The following SNX11 variants were observed in gnomAD, a reference collection of about 807,000 sequenced individuals.
The protein encoded by SNX11 is sorting nexin-11.
Under a neutral mutation model 30.7 loss-of-function variants are expected in SNX11, and 19 were observed. The ratio of observed to expected loss-of-function variants is 0.62; its 90% CI spans 0.43 to 0.91. The LOEUF is 0.91. SNX11 is among the 40% of genes least tolerant of loss of function. SNX11 has a pLI of 0.00. For missense variants in SNX11, 302 were observed against 326.7 expected, an observed-to-expected ratio of 0.92 and a Z score of 0.58; for synonymous variants, 112 against 119.0, an observed-to-expected ratio of 0.94 and a Z score of 0.38.
In SNX11 at chr17:48,118,814, C is replaced by T. The variant is rs769622173; in HGVS notation, c.326+15C>T. On this transcript the variant is annotated intron_variant, in intron 5 of 6. Transcript: ENST00000359238. ...TTCCTTGAAAAGTGAGTGGACAGAACGGCTGGTGCTGGCCACCAAGGGTGG... is the reference window on the plus strand; with the variant it reads ...TTCCTTGAAAAGTGAGTGGACAGAATGGCTGGTGCTGGCCACCAAGGGTGG... The T allele has an allele frequency of 2.9e-5, 46 of 1,608,664 alleles. No homozygotes were observed. The Middle Eastern group carries it at 5.0e-4, about 18-fold the overall frequency.
At chr17:48,111,976 A>T (rs574521307) in intron 1 of SNX11, 55 bp from the exon 2 acceptor site, 1 of 1,416,352 alleles carries the variant, frequency 7.1e-7, no homozygotes, top group Non-Finnish European at 1.0e-6. Context: ...CTGGTAAAGA[A>T]TGATAAGAAC....
At chr17:48,118,638 C>T in intron 4 of SNX11, 66 bp from the exon 5 acceptor site, 2 of 1,126,342 alleles carry the variant, frequency 1.8e-6, no homozygotes, top group Non-Finnish European at 1.3e-6. Flanking sequence ...TTTCCTTGAT[C>T]AGAGGCCGGA....
rs1035402199 is a variant in SNX11, at chr17:48,120,185, T to G, written c.539+999T>G. Among the ~76,000 whole-genome samples, 5 of 150,562 alleles carry G rather than the reference T, an allele frequency of 3.3e-5. No homozygotes were observed. The South Asian group carries it at 1.0e-3, about 31-fold the overall frequency. ...TATATACCACATTTTGTTTATCCAT[T>G]CACTTGCATTTATCTGTTTTTTTTT... On this transcript the variant is annotated intron_variant, in intron 6 of 6. Coordinates refer to ENST00000359238, the MANE Select transcript of SNX11 (RefSeq NM_013323.3).
intron 1 of SNX11, among the ~76,000 whole-genome samples, chr17:48,108,734 G>A (rs1278646602): frequency 6.6e-6 from 1 of 152,232 alleles, no homozygotes; most frequent in Non-Finnish European, 1.5e-5. Context: ...TATGGTCACT[G>A]ACTCTAGCCT....
rs2063572931 is a variant in SNX11 at position 48,118,990 on chromosome 17, G to A, written c.343G>A (p.Val115Ile). The change falls in exon 6 of 7, where the codon GTT (valine) becomes ATT (isoleucine). Residue 115 changes from valine to isoleucine, a missense_variant. Coordinates refer to ENST00000359238, the MANE Select transcript of SNX11 (RefSeq NM_013323.3). ...TTTTCCCAGGGTCCTGCAGAGTGTG[G>A]TTCTCCTGTCAGACAGCCAGTTGCA... ...HFLEKVLQSV[V>I]LLSDSQLHLF... The A allele has an allele frequency of 6.2e-7, 1 of 1,614,030 alleles. No individual in the cohort carries two copies. Among genetic ancestry groups the A allele is most frequent in the Non-Finnish European group, 8.5e-7 (1 of 1,180,002 alleles).
intron 4 of SNX11, among the ~76,000 whole-genome samples, chr17:48,116,356 A>G (rs1272503191): frequency 2.6e-5 from 4 of 152,114 alleles, no homozygotes; most frequent in Admixed American, 1.3e-4. Context: ...AGCTGGGACT[A>G]CAGGTATGTG....
rs77769564 is a variant in SNX11 at position 48,115,856 on chromosome 17, T to G, written c.230+2455T>G. 2.0e-5 allele frequency among the ~76,000 whole-genome samples: 3 copies of G among 151,468 alleles called. No homozygotes were observed. In the East Asian group the frequency reaches 5.8e-4, roughly 29 times the overall value. ...GCTGTTGTCCTGGGGCAGGCCCTAA[T>G]AAACCAGGTGAAACTCCGTTCCCCT... On this transcript the variant is annotated intron_variant, in intron 4 of 6. Coordinates refer to ENST00000359238, the MANE Select transcript of SNX11 (RefSeq NM_013323.3).
In SNX11 at chr17:48,122,348, C is replaced by A. The variant is rs2063610227; in HGVS notation, c.*840C>A. 6.5e-6 allele frequency: 1 copy of A among 153,610 alleles called. No homozygotes were observed. Among genetic ancestry groups the A allele is most frequent in the South Asian group, 2.1e-4 (1 of 4,834 alleles). 9.5% of individuals were successfully genotyped at this position (153,610 alleles called of 1,614,324 possible). A position where few individuals can be genotyped will look rare whatever the true frequency, so the allele number is the denominator to read the frequency against. On this transcript the variant is annotated 3_prime_UTR_variant, in exon 7 of 7. Coordinates refer to ENST00000359238, the MANE Select transcript of SNX11 (RefSeq NM_013323.3). ...CTTCTCCTTTGGTAGCAGCTCCCTG[C>A]CTCCAGGGCTTCCGCCACCAGCGTC...
chr17:48,108,929 A>G (rs940381338), intron 1 of SNX11, among the ~76,000 whole-genome samples: 8 of 152,040 alleles, frequency 5.3e-5, no homozygotes, highest in African/African-American at 1.9e-4. Flanking sequence ...TATTTGTTCC[A>G]GTGTTTATTT....
intron 4 of SNX11, among the ~76,000 whole-genome samples, chr17:48,118,275 C>T (rs2063564914): frequency 6.6e-6 from 1 of 151,972 alleles, no homozygotes; most frequent in African/African-American, 2.4e-5. Context: ...ATGTTAGCAC[C>T]ACCCCTTATT....
intron 4 of SNX11, among the ~76,000 whole-genome samples, chr17:48,117,520 G>A (rs1204052560): frequency 6.6e-6 from 1 of 150,402 alleles, no homozygotes; most frequent in Non-Finnish European, 1.5e-5. Context: ...GCCTCCCAAA[G>A]TGCTGGGATT....
chr17:48,111,368 C>G (rs970339957), intron 1 of SNX11, among the ~76,000 whole-genome samples: 9 of 152,232 alleles, frequency 5.9e-5, no homozygotes, highest in African/African-American at 1.9e-4. Flanking sequence ...TGTGATCTGG[C>G]AGGGCGTGGT....
intron 6 of SNX11, among the ~76,000 whole-genome samples, chr17:48,119,599 G>C (rs771816505): frequency 2.0e-5 from 3 of 151,984 alleles, no homozygotes; most frequent in Non-Finnish European, 2.9e-5. Context: ...TTACAGGCAA[G>C]TGCCACCACA....
intron 4 of SNX11, among the ~76,000 whole-genome samples, chr17:48,114,886 C>T (rs1430930544): frequency 6.7e-6 from 1 of 150,338 alleles, no homozygotes; most frequent in African/African-American, 2.4e-5. Context: ...AGGCTGGTGT[C>T]GAACTCCTGA....
chr17:48,117,237 T>TTTTA (rs1303765800), intron 4 of SNX11, among the ~76,000 whole-genome samples: 1 of 122,802 alleles, frequency 8.1e-6, no homozygotes, highest in Non-Finnish European at 1.6e-5. Flanking sequence ...GTATTTTTAT[T>TTTTA]TTTATTTATT....
intron 2 of SNX11, 167 bp from the exon 3 acceptor site, chr17:48,112,407 T>C (rs746145318): frequency 9.2e-5 from 62 of 671,572 alleles, no homozygotes; most frequent in Non-Finnish European, 1.5e-4. Context: ...TCAGTAAAAA[T>C]TTGTTGAATT....
In SNX11 at chr17:48,123,314, C is replaced by CA. The variant is rs2063616508; in HGVS notation, c.*1808dup. On this transcript the variant is annotated 3_prime_UTR_variant, in exon 7 of 7. Coordinates refer to ENST00000359238, the MANE Select transcript of SNX11 (RefSeq NM_013323.3). The stretch of plus-strand genomic sequence containing the variant: ...GATGGCTCATGAATATTAATGAGCC[C>CA]AATGCTCCAAATGGTGCAGCTGTGA... 6.6e-6 allele frequency among the ~76,000 whole-genome samples: 1 copy of CA among 152,062 alleles called. No homozygotes were observed. Among genetic ancestry groups the CA allele is most frequent in the East Asian group, 1.9e-4 (1 of 5,192 alleles).
intron 4 of SNX11, among the ~76,000 whole-genome samples, chr17:48,116,048 A>C (rs2063543115): frequency 6.6e-6 from 1 of 151,400 alleles, no homozygotes. Context: ...TCATGAGGTC[A>C]GGAGTTCAAG....
At chr17:48,108,060 C>G (rs890415307) in intron 1 of SNX11, 7 of 152,184 alleles carry the variant, frequency 4.6e-5, no homozygotes, top group African/African-American at 1.4e-4. Flanking sequence ...TTCCTACCCC[C>G]CAAGCTTAAT....
Sources: gnomAD v4.1 joint callset for allele counts (sites outside exome capture counted in the v4.1 genomes callset) on GRCh38, gnomAD v4.1.1 for gene constraint, MANE v1.5 for transcripts, NCBI Gene and HGNC (gene_info 2026-07-23, HGNC 2026-07-21) for gene names.